The following RPS6KC1 variants were observed in gnomAD, a reference collection of about 807,000 sequenced individuals.
RPS6KC1 encodes inactive ribosomal protein S6 kinase delta-1.
RPS6KC1 carries 54 observed loss-of-function variants against 103.8 expected under a neutral mutation model. The ratio of observed to expected loss-of-function variants is 0.52; its 90% CI spans 0.42 to 0.65. RPS6KC1 has a LOEUF of 0.65. Ranked by LOEUF, RPS6KC1 falls within the 30% of genes least tolerant of loss-of-function variation. The pLI is 0.00. For missense variants in RPS6KC1, 1,151 were observed against 1,253.8 expected (o/e 0.92, Z 1.24); for synonymous variants, 439 against 438.7 (o/e 1.00, Z -0.01).
At chr1:213,815,246 A>T in the RPS6KC1 span, among the ~76,000 whole-genome samples, 14 of 152,148 alleles carry the variant, frequency 9.2e-5, no homozygotes, top group Admixed American at 9.2e-4. Flanking sequence ...AGGCCTTCCC[A>T]GCCATGTGGA....
chr1:213,146,423 ATTT>A (rs1269987456), intron 6 of RPS6KC1, among the ~76,000 whole-genome samples: 5 of 138,892 alleles, frequency 3.6e-5, no homozygotes, highest in African/African-American at 2.6e-5. Context: ...TGGGATTGCA[ATTT>A]TTTTTTTTTT....
At chr1:213,512,371 A>G in the RPS6KC1 span, among the ~76,000 whole-genome samples, 1 of 152,192 alleles carries the variant, frequency 6.6e-6, no homozygotes, top group African/African-American at 2.4e-5. Context: ...AGAGAAATCA[A>G]CCTTTAGGAA....
At chr1:213,719,223 C>T in the RPS6KC1 span, among the ~76,000 whole-genome samples, 2 of 152,170 alleles carry the variant, frequency 1.3e-5, no homozygotes, top group African/African-American at 2.4e-5. Context: ...AACAATGAAA[C>T]GTGTGATTTC....
the RPS6KC1 span, among the ~76,000 whole-genome samples, chr1:213,825,145 T>A: frequency 1.3e-5 from 2 of 152,214 alleles, no homozygotes; most frequent in African/African-American, 4.8e-5. Flanking sequence ...TGACTTATAG[T>A]TAAGGCTCTG....
At chr1:213,353,033 A>G in the RPS6KC1 span, among the ~76,000 whole-genome samples, 2 of 152,246 alleles carry the variant, frequency 1.3e-5, no homozygotes, top group Non-Finnish European at 2.9e-5. Context: ...GGCATTTACA[A>G]GACAACATCG....
the RPS6KC1 span, among the ~76,000 whole-genome samples, chr1:213,584,933 A>G: frequency 6.6e-6 from 1 of 152,158 alleles, no homozygotes; most frequent in South Asian, 2.1e-4. Context: ...ATCTTTATAG[A>G]CAAACAGAAA....
the RPS6KC1 span, among the ~76,000 whole-genome samples, chr1:213,513,753 A>G: frequency 6.6e-6 from 1 of 152,242 alleles, no homozygotes; most frequent in Non-Finnish European, 1.5e-5. Flanking sequence ...AAGATATATG[A>G]TCAAAAGCAA....
chr1:213,555,336 G>A, the RPS6KC1 span, among the ~76,000 whole-genome samples: 9 of 152,242 alleles, frequency 5.9e-5, no homozygotes, highest in African/African-American at 2.2e-4. Context: ...GGAAGCACAT[G>A]GTAGAGATTT....
the RPS6KC1 span, among the ~76,000 whole-genome samples, chr1:213,433,693 T>C: frequency 2.0e-5 from 3 of 152,258 alleles, no homozygotes; most frequent in Non-Finnish European, 4.4e-5. Flanking sequence ...TGCCATCTCA[T>C]TGTGACATTA....
chr1:213,745,088 C>T, the RPS6KC1 span, among the ~76,000 whole-genome samples: 1 of 152,236 alleles, frequency 6.6e-6, no homozygotes, highest in African/African-American at 2.4e-5. Context: ...ATAAGATCCT[C>T]TGGTGTTTGT....
chr1:213,511,770 C>T, the RPS6KC1 span, among the ~76,000 whole-genome samples: 1 of 152,206 alleles, frequency 6.6e-6, no homozygotes, highest in Admixed American at 6.5e-5. Context: ...TCACCTTCTC[C>T]AAGGAGGTGT....
At chr1:213,632,631 C>T in the RPS6KC1 span, among the ~76,000 whole-genome samples, 1 of 152,234 alleles carries the variant, frequency 6.6e-6, no homozygotes, top group Non-Finnish European at 1.5e-5. Context: ...AACCAGAGCG[C>T]CTCTTCTCCT....
At chr1:213,201,350 A>G (rs1055404341) in intron 8 of RPS6KC1, among the ~76,000 whole-genome samples, 2 of 152,250 alleles carry the variant, frequency 1.3e-5, no homozygotes, top group Admixed American at 6.5e-5. Context: ...AAAGATGACA[A>G]CATGAAGAAG....
the RPS6KC1 span, among the ~76,000 whole-genome samples, chr1:213,728,868 C>T: frequency 6.8e-6 from 1 of 146,732 alleles, no homozygotes; most frequent in African/African-American, 2.5e-5. Context: ...GGCTGGCTTA[C>T]GTTTGCACAG....
the RPS6KC1 span, among the ~76,000 whole-genome samples, chr1:213,542,951 C>T: frequency 6.6e-6 from 1 of 152,160 alleles, no homozygotes; most frequent in Admixed American, 6.5e-5. Context: ...GGGACAGGAG[C>T]TTTGCTAAAG....
At chr1:213,726,238 A>G in the RPS6KC1 span, among the ~76,000 whole-genome samples, 57 of 152,258 alleles carry the variant, frequency 3.7e-4, no homozygotes, top group African/African-American at 1.4e-3. Flanking sequence ...GGTGCACGCT[A>G]CTACATCTGG....
At chr1:213,752,489 G>T in the RPS6KC1 span, among the ~76,000 whole-genome samples, 1 of 152,184 alleles carries the variant, frequency 6.6e-6, no homozygotes, top group Admixed American at 6.5e-5. Flanking sequence ...TGTAGGTACT[G>T]GTTGATGTGG....
At chr1:213,418,397 G>A in the RPS6KC1 span, among the ~76,000 whole-genome samples, 3 of 152,106 alleles carry the variant, frequency 2.0e-5, no homozygotes, top group Non-Finnish European at 4.4e-5. Context: ...GAGCATTTGG[G>A]GACCAAGGGT....
chr1:213,693,377 C>T, the RPS6KC1 span, among the ~76,000 whole-genome samples: 1 of 152,214 alleles, frequency 6.6e-6, no homozygotes. Context: ...CCCAGTATCC[C>T]AATGGTCCAT....
Sources: gnomAD v4.1 joint callset for allele counts (sites outside exome capture counted in the v4.1 genomes callset) on GRCh38, gnomAD v4.1.1 for gene constraint, MANE v1.5 for transcripts, NCBI Gene and HGNC (gene_info 2026-07-23, HGNC 2026-07-21) for gene names.